Variants in FGFR2 observed in about 807,000 individuals in gnomAD.
The protein encoded by FGFR2 is fibroblast growth factor receptor 2.
Under a neutral mutation model 95.9 loss-of-function variants are expected in FGFR2, and 19 were observed. The ratio of observed to expected loss-of-function variants is 0.20; its 90% CI spans 0.14 to 0.29. The LOEUF (loss-of-function observed/expected upper bound fraction) is 0.29, where lower values mean the gene tolerates loss of function less well. Among genes scored for constraint, FGFR2 ranks in the 10% least tolerant of loss-of-function variants. FGFR2 has a pLI of 1.00. For missense variants in FGFR2, 707 were observed against 1,056.9 expected (o/e 0.67, Z 4.59); for synonymous variants, 392 against 393.3 (o/e 1.00, Z 0.04).
intron 4 of FGFR2, among the ~76,000 whole-genome samples, chr10:121,552,396 C>T (rs1446379889): frequency 6.6e-6 from 1 of 152,182 alleles, no homozygotes; most frequent in East Asian, 1.9e-4. Context: ...TTTTACATGT[C>T]AACACATTAA....
At chr10:121,526,155 C>T in intron 6 of FGFR2, 1 of 398,606 alleles carries the variant, frequency 2.5e-6, no homozygotes, top group Non-Finnish European at 4.4e-6. Context: ...ATTTAATTAC[C>T]TTTCCTCCAA....
At chr10:121,488,579 C>T (rs1328375284) in intron 13 of FGFR2, among the ~76,000 whole-genome samples, 1 of 149,802 alleles carries the variant, frequency 6.7e-6, no homozygotes, top group African/African-American at 2.5e-5. Flanking sequence ...GAAAAGAAAA[C>T]GCAGTGTGGC....
chr10:121,520,919 A>G (rs764694594), intron 6 of FGFR2, among the ~76,000 whole-genome samples: 10 of 152,248 alleles, frequency 6.6e-5, no homozygotes, highest in Non-Finnish European at 2.9e-5. Flanking sequence ...CTGGGATTAC[A>G]GACGTGAGCC....
At chr10:121,521,022 ATGAACAGATT>A (rs1308371303) in intron 6 of FGFR2, among the ~76,000 whole-genome samples, 3 of 152,244 alleles carry the variant, frequency 2.0e-5, no homozygotes, top group Non-Finnish European at 4.4e-5. Flanking sequence ...GCCCAAAGTT[ATGAACAGATT>A]TGATTAATAA....
At chr10:121,526,112 C>T (rs184662379) in intron 6 of FGFR2, 1 of 398,536 alleles carries the variant, frequency 2.5e-6, no homozygotes, top group African/African-American at 2.1e-5. Context: ...GCGTGGATAA[C>T]CTCGCTTGCT....
chr10:121,499,220 G>A (rs561066080), intron 11 of FGFR2, among the ~76,000 whole-genome samples: 1 of 152,290 alleles, frequency 6.6e-6, no homozygotes, highest in East Asian at 1.9e-4. Flanking sequence ...AAGCAAGAAT[G>A]GCACAGGTTC....
At chr10:121,569,192 G>A (rs1306852824) in intron 2 of FGFR2, among the ~76,000 whole-genome samples, 1 of 148,642 alleles carries the variant, frequency 6.7e-6, no homozygotes, top group Non-Finnish European at 1.5e-5. Flanking sequence ...CAGAACATCT[G>A]GGTTTCTTTT....
At chr10:121,534,272 T>C (rs1852506453) in intron 6 of FGFR2, among the ~76,000 whole-genome samples, 1 of 151,926 alleles carries the variant, frequency 6.6e-6, no homozygotes, top group Admixed American at 6.6e-5. Flanking sequence ...GTAATTTTTG[T>C]ATTTTTGGTA....
intron 11 of FGFR2, among the ~76,000 whole-genome samples, chr10:121,498,834 C>T (rs1847221101): frequency 6.6e-6 from 1 of 152,218 alleles, no homozygotes; most frequent in Admixed American, 6.5e-5. Flanking sequence ...GGCCAAGAGT[C>T]AGGACGAGAG....
Position 121,593,821 on chromosome 10 carries a change from T to C in FGFR2, c.-4A>G. 1 of 1,613,732 alleles carries C rather than the reference T, an allele frequency of 6.2e-7. No homozygotes were observed. The highest frequency in any genetic ancestry group is 8.5e-7 in the Non-Finnish European group (1 of 1,179,602). ...TGAAACGACCCCAGCTGACCATGGT[T>C]ACGGTACCAATCCCCGGTCCTCTTC... On this transcript the variant is annotated 5_prime_UTR_variant, in exon 2 of 18. It removes the in-frame stop codon of an upstream open reading frame in the 5' UTR. Transcript: ENST00000358487.
At chr10:121,575,601 T>G (rs943050107) in intron 2 of FGFR2, among the ~76,000 whole-genome samples, 7 of 152,148 alleles carry the variant, frequency 4.6e-5, no homozygotes, top group Non-Finnish European at 8.8e-5. Context: ...ATGCCTGTAA[T>G]CCCAGCACTT....
At chr10:121,577,158 A>AAAAAAAATATATATATATAT (rs1554858932) in intron 2 of FGFR2, among the ~76,000 whole-genome samples, 1 of 13,944 alleles carries the variant, frequency 7.2e-5, no homozygotes, top group African/African-American at 2.7e-4. Flanking sequence ...AAAAAAAAAA[A>AAAAAAAATATATATATATAT]ATATATATAT....
chr10:121,541,355 AG>A (rs1216131673), intron 5 of FGFR2, among the ~76,000 whole-genome samples: 2 of 152,334 alleles, frequency 1.3e-5, no homozygotes, highest in Non-Finnish European at 2.9e-5. Context: ...ACACTTTTGT[AG>A]GGGATATCCT....
At position 121,490,154 on chromosome 10, in the gene FGFR2, CTTTTTTTTTTTTT is replaced by C. The variant is rs55633189; in HGVS notation, c.1864-2054_1864-2042del. Among the ~76,000 whole-genome samples, 43 of 80,026 alleles carry C rather than the reference CTTTTTTTTTTTTT, an allele frequency of 5.4e-4. 1 individual carries two copies. The highest frequency in any genetic ancestry group is 2.0e-3 in the African/African-American group (39 of 19,406). The allele number at this position is 80,026 out of a possible 152,430, so 52.5% of individuals were successfully genotyped here. ...GATCTAGCTATTACGACTTTTCCTT[CTTTTTTTTTTTTT>C]TTTTTTTTTTTTTGAGACGGAGTTT... On this transcript the variant is annotated intron_variant, in intron 13 of 17. Transcript: ENST00000358487.
At chr10:121,481,266 C>G (rs977568028) in intron 17 of FGFR2, among the ~76,000 whole-genome samples, 11 of 152,102 alleles carry the variant, frequency 7.2e-5, no homozygotes, top group Non-Finnish European at 5.9e-5. Flanking sequence ...ATCCAGAAGC[C>G]AACAACTATT....
intron 1 of FGFR2, among the ~76,000 whole-genome samples, 177 bp downstream of exon 1, chr10:121,597,785 C>G (rs987724596): frequency 1.2e-4 from 18 of 152,338 alleles, no homozygotes; most frequent in African/African-American, 4.3e-4. Flanking sequence ...GCCGTCAGCA[C>G]GCACCCACCT....
Position 121,556,433 on chromosome 10 carries a change from C to CTCTCTCTCTCTCTCTCTA in FGFR2, c.455-4975_455-4974insTAGAGAGAGAGAGAGAGA, listed in dbSNP as rs60584824. ...TCTCTCTCTCTCTCTCTCTCTCTCT[C>CTCTCTCTCTCTCTCTCTA]TGGAACCAAAAAACAGAGAACACGG... is the stretch of plus-strand genomic sequence containing the variant. On this transcript the variant is annotated intron_variant, in intron 4 of 17. Transcript: ENST00000358487. 1.3e-3 allele frequency among the ~76,000 whole-genome samples: 187 copies of CTCTCTCTCTCTCTCTCTA among 140,698 alleles called. 6 individuals carry two copies. Among genetic ancestry groups the CTCTCTCTCTCTCTCTCTA allele is most frequent in the African/African-American group, 4.8e-3 (179 of 37,210 alleles). The allele number at this position is 140,698 out of a possible 152,430, so 92.3% of individuals were successfully genotyped here.
intron 4 of FGFR2, among the ~76,000 whole-genome samples, chr10:121,556,604 GGGCTGAGGCCA>G (rs1176043449): frequency 1.3e-5 from 2 of 152,128 alleles, no homozygotes; most frequent in Non-Finnish European, 2.9e-5. Context: ...GCCAGAGGCC[GGGCTGAGGCCA>G]GGCCCATCTC....
chr10:121,506,683 G>A (rs1848333384), intron 9 of FGFR2, among the ~76,000 whole-genome samples: 1 of 152,214 alleles, frequency 6.6e-6, no homozygotes, highest in South Asian at 2.1e-4. Context: ...ATGTGGGGAA[G>A]GCAGCTGTCC....
Sources: allele counts gnomAD v4.1 joint callset (sites outside exome capture counted in the v4.1 genomes callset), GRCh38; gene constraint gnomAD v4.1.1; transcripts MANE v1.5; gene names NCBI Gene and HGNC (gene_info 2026-07-23, HGNC 2026-07-21).